Variants in LINGO2 observed in about 807,000 individuals in gnomAD.
LINGO2 encodes the protein leucine rich repeat and Ig domain containing 2.
A neutral mutation model predicts 30.6 loss-of-function variants in LINGO2; 14 were observed. That is an observed-to-expected ratio of 0.46 (90% CI 0.30 to 0.72). The LOEUF is 0.72. LINGO2 is among the 30% of genes least tolerant of loss of function. The pLI is 0.07. For missense variants in LINGO2, 729 were observed against 751.7 expected, an observed-to-expected ratio of 0.97 and a Z score of 0.35; for synonymous variants, 317 against 288.5, an observed-to-expected ratio of 1.10 and a Z score of -1.00.
chr9:27,978,863 T>C (rs1223032863), intron 5 of LINGO2, among the ~76,000 whole-genome samples: 1 of 152,062 alleles, frequency 6.6e-6, no homozygotes, highest in Admixed American at 6.6e-5. Context: ...GAAAAGCTAT[T>C]GATTCTTTTG....
At chr9:28,028,833 T>C (rs1390808181) in intron 4 of LINGO2, among the ~76,000 whole-genome samples, 1 of 151,572 alleles carries the variant, frequency 6.6e-6, no homozygotes, top group East Asian at 1.9e-4. Flanking sequence ...CCTACACTCA[T>C]ATAGGGAAAG....
chr9:28,555,382 A>T (rs1822599635), intron 1 of LINGO2, among the ~76,000 whole-genome samples: 1 of 150,540 alleles, frequency 6.6e-6, no homozygotes, highest in Non-Finnish European at 1.5e-5. Context: ...TATGCAAATA[A>T]ACTAGAAAAT....
the LINGO2 span, among the ~76,000 whole-genome samples, chr9:28,769,903 T>C: frequency 6.6e-6 from 1 of 152,036 alleles, no homozygotes; most frequent in Non-Finnish European, 1.5e-5. Context: ...CATTTTTATC[T>C]TTTCTGTAAA....
At position 28,392,952 on chromosome 9, in the gene LINGO2, G is replaced by T. The variant is rs113732917; in HGVS notation, c.-278-20084C>A. On this transcript the variant is annotated intron_variant, in intron 2 of 5. Coordinates refer to ENST00000379992, the Ensembl canonical transcript of LINGO2. ...ATGTAACACTATCCCCAAGGGTAAG[G>T]CTATGAATGGTGCTGAGGGAGAATA... Among the ~76,000 whole-genome samples the T allele has an allele frequency of 1.9e-3, 291 of 152,294 alleles. 3 individuals are homozygous for T. Among genetic ancestry groups the T allele is most frequent in the African/African-American group, 6.2e-3 (258 of 41,564 alleles).
the LINGO2 span, among the ~76,000 whole-genome samples, chr9:28,837,841 T>G: frequency 6.7e-6 from 1 of 149,820 alleles, no homozygotes; most frequent in East Asian, 2.0e-4. Context: ...AAACAAAAAT[T>G]TGAGGTCATG....
intron 1 of LINGO2, among the ~76,000 whole-genome samples, chr9:28,564,546 A>G (rs1467567404): frequency 4.6e-5 from 7 of 152,100 alleles, no homozygotes; most frequent in African/African-American, 1.7e-4. Context: ...TACTAAGAGC[A>G]CTGTTGTAGT....
the LINGO2 span, among the ~76,000 whole-genome samples, chr9:28,750,145 T>C: frequency 6.6e-6 from 1 of 152,228 alleles, no homozygotes; most frequent in African/African-American, 2.4e-5. Context: ...CAAAGAGCAA[T>C]ATTTTGTTAT....
chr9:28,692,644 C>T, the LINGO2 span, among the ~76,000 whole-genome samples: 1 of 152,024 alleles, frequency 6.6e-6, no homozygotes, highest in African/African-American at 2.4e-5. Flanking sequence ...AAACATAATC[C>T]TGAAATATGA....
At chr9:28,055,792 T>C (rs1185344992) in intron 4 of LINGO2, among the ~76,000 whole-genome samples, 1 of 152,198 alleles carries the variant, frequency 6.6e-6, no homozygotes, top group Non-Finnish European at 1.5e-5. Context: ...TAGTTCTATT[T>C]GAAGCCTATG....
the LINGO2 span, among the ~76,000 whole-genome samples, chr9:29,023,703 G>A: frequency 6.6e-6 from 1 of 151,848 alleles, no homozygotes; most frequent in Non-Finnish European, 1.5e-5. Flanking sequence ...TATTTACATG[G>A]CTTAAGTTAG....
At chr9:29,147,871 C>G in the LINGO2 span, among the ~76,000 whole-genome samples, 1 of 152,050 alleles carries the variant, frequency 6.6e-6, no homozygotes, top group Non-Finnish European at 1.5e-5. Flanking sequence ...TTCCAGTAAA[C>G]AAAATAAGGT....
At chr9:28,108,253 G>T (rs1587001129) in intron 4 of LINGO2, among the ~76,000 whole-genome samples, 2 of 152,120 alleles carry the variant, frequency 1.3e-5, no homozygotes, top group Non-Finnish European at 2.9e-5. Context: ...TCGCAATTAG[G>T]TTGTTTCCCC....
intron 5 of LINGO2, among the ~76,000 whole-genome samples, chr9:28,002,013 T>C (rs1325703811): frequency 6.6e-6 from 1 of 152,234 alleles, no homozygotes. Context: ...AGCTGCCCTA[T>C]GGCAAAACTT....
At chr9:28,901,949 G>T in the LINGO2 span, among the ~76,000 whole-genome samples, 1 of 152,058 alleles carries the variant, frequency 6.6e-6, no homozygotes. Flanking sequence ...CAGTATTTTG[G>T]GAGGCCAAAG....
chr9:28,320,865 GAC>G (rs1825016426), intron 3 of LINGO2, among the ~76,000 whole-genome samples: 1 of 152,080 alleles, frequency 6.6e-6, no homozygotes, highest in African/African-American at 2.4e-5. Context: ...ATCATGGCAG[GAC>G]ACTGAAACTC....
At chr9:29,156,640 G>C in the LINGO2 span, among the ~76,000 whole-genome samples, 1 of 152,014 alleles carries the variant, frequency 6.6e-6, no homozygotes, top group African/African-American at 2.4e-5. Context: ...TGAAGTACAT[G>C]AAAAAGTTAT....
chr9:27,962,704 G>C (rs375114962), intron 5 of LINGO2, among the ~76,000 whole-genome samples: 11 of 152,060 alleles, frequency 7.2e-5, no homozygotes, highest in African/African-American at 2.7e-4. Context: ...CAAACTGCTG[G>C]CTCCACTTAG....
At chr9:28,559,497 T>A (rs1822926159) in intron 1 of LINGO2, among the ~76,000 whole-genome samples, 1 of 152,138 alleles carries the variant, frequency 6.6e-6, no homozygotes, top group African/African-American at 2.4e-5. Context: ...GCTTGTAGTA[T>A]GCTCTTCCAA....
chr9:28,759,616 A>G, the LINGO2 span, among the ~76,000 whole-genome samples: 1 of 151,746 alleles, frequency 6.6e-6, no homozygotes, highest in African/African-American at 2.4e-5. Context: ...CGGGAGGCGG[A>G]GCTTGCAGTG....
Sources: gnomAD v4.1 joint callset for allele counts (sites outside exome capture counted in the v4.1 genomes callset) on GRCh38, gnomAD v4.1.1 for gene constraint, MANE v1.5 for transcripts, NCBI Gene and HGNC (gene_info 2026-07-23, HGNC 2026-07-21) for gene names.